The following DGKI variants were observed in gnomAD, a reference collection of about 807,000 sequenced individuals.
The protein encoded by DGKI is DAG kinase iota.
In DGKI, 55 loss-of-function variants were observed where a neutral mutation model predicts 147.5. The observed-to-expected ratio is 0.37, with a 90% confidence interval of 0.30 to 0.47. The LOEUF is 0.47. Among genes scored for constraint, DGKI ranks in the 20% least tolerant of loss-of-function variants. The pLI, the probability that DGKI is intolerant of heterozygous loss-of-function variation, is 1.00. For synonymous variants in DGKI, 469 were observed against 477.1 expected (o/e 0.98, Z 0.22); for missense variants, 1,007 against 1,323.8 (o/e 0.76, Z 3.71).
At chr7:137,739,091 G>T (rs1795103915) in intron 1 of DGKI, among the ~76,000 whole-genome samples, 1 of 152,082 alleles carries the variant, frequency 6.6e-6, no homozygotes, top group Non-Finnish European at 1.5e-5. Flanking sequence ...GCAGTTTGTG[G>T]ACTGAAAATA....
intron 23 of DGKI, among the ~76,000 whole-genome samples, chr7:137,477,501 T>C (rs1453518206): frequency 6.6e-6 from 1 of 152,220 alleles, no homozygotes; most frequent in African/African-American, 2.4e-5. Context: ...GCATTAAATA[T>C]ATACCATGGA....
At chr7:137,498,007 C>G (rs1370123003) in intron 21 of DGKI, among the ~76,000 whole-genome samples, 1 of 151,792 alleles carries the variant, frequency 6.6e-6, no homozygotes, top group African/African-American at 2.4e-5. Context: ...ACACTTTAAA[C>G]ATGATATCTT....
chr7:137,574,527 T>A (rs548046653), intron 17 of DGKI, among the ~76,000 whole-genome samples: 1 of 152,326 alleles, frequency 6.6e-6, no homozygotes, highest in South Asian at 2.1e-4. Flanking sequence ...AATTCATTTT[T>A]TAACTTTCTA....
At chr7:137,804,210 C>T (rs1448151988) in intron 1 of DGKI, among the ~76,000 whole-genome samples, 1 of 152,212 alleles carries the variant, frequency 6.6e-6, no homozygotes, top group Non-Finnish European at 1.5e-5. Flanking sequence ...CCATCTCTTC[C>T]CCCTCTCTAC....
intron 28 of DGKI, among the ~76,000 whole-genome samples, chr7:137,423,845 A>C (rs10954581): frequency 0.41 from 61,853 of 151,994 alleles, 13,132 homozygotes; most frequent in East Asian, 0.74. Flanking sequence ...ATTATTGTAA[A>C]TATAGATTAT....
At chr7:137,432,909 T>C (rs1209293663) in intron 28 of DGKI, among the ~76,000 whole-genome samples, 1 of 152,196 alleles carries the variant, frequency 6.6e-6, no homozygotes, top group Non-Finnish European at 1.5e-5. Context: ...AGGGAAGTTG[T>C]AGAAAATCAA....
chr7:137,836,381 T>C (rs761730348), intron 1 of DGKI, among the ~76,000 whole-genome samples: 7 of 152,242 alleles, frequency 4.6e-5, no homozygotes, highest in East Asian at 3.8e-4. Flanking sequence ...GATGTTGTTA[T>C]GGAAAAACTC....
At chr7:137,734,520 A>G (rs1348973084) in intron 1 of DGKI, among the ~76,000 whole-genome samples, 3 of 151,952 alleles carry the variant, frequency 2.0e-5, no homozygotes, top group Non-Finnish European at 4.4e-5. Context: ...ACTGGGGAGA[A>G]CCAGCTGCCT....
chr7:137,751,995 C>CAA (rs1795503508), intron 1 of DGKI, among the ~76,000 whole-genome samples: 1 of 152,174 alleles, frequency 6.6e-6, no homozygotes, highest in Non-Finnish European at 1.5e-5. Context: ...GTATTTAACG[C>CAA]AATGTACATA....
At chr7:137,567,263 T>C (rs1295246069) in intron 19 of DGKI, among the ~76,000 whole-genome samples, 1 of 106,506 alleles carries the variant, frequency 9.4e-6, no homozygotes, top group South Asian at 3.4e-4. Context: ...AAACTCCATC[T>C]CAAAAAAAAA....
At chr7:137,662,240 C>CTT (rs1170356266) in intron 3 of DGKI, among the ~76,000 whole-genome samples, 27 of 126,426 alleles carry the variant, frequency 2.1e-4, no homozygotes, top group African/African-American at 5.8e-4. Flanking sequence ...CAGCACACTC[C>CTT]TTTTTTTTTT....
At chr7:137,834,337 T>C (rs1798302418) in intron 1 of DGKI, among the ~76,000 whole-genome samples, 1 of 152,248 alleles carries the variant, frequency 6.6e-6, no homozygotes, top group African/African-American at 2.4e-5. Context: ...GTGCTTTTGC[T>C]AAAGCTGTTT....
chr7:137,438,807 T>G (rs1813381211), intron 28 of DGKI, among the ~76,000 whole-genome samples: 1 of 151,934 alleles, frequency 6.6e-6, no homozygotes, highest in Non-Finnish European at 1.5e-5. Context: ...ATCACAAAAA[T>G]TATTCTTTTG....
Position 137,603,308 on chromosome 7 carries a change from G to C in DGKI, c.1168-3403C>G, listed in dbSNP as rs187372864. 5.0e-3 allele frequency among the ~76,000 whole-genome samples: 758 copies of C among 152,286 alleles called. 4 individuals carry two copies. Among genetic ancestry groups the C allele is most frequent in the Middle Eastern group, 6.8e-3 (2 of 294 alleles). ...TCTTCATCAAAGCACCATAACTCTA[G>C]TGTAGGTTGAAACTCTGCTATGTTA... On this transcript the variant is annotated intron_variant, in intron 10 of 32. Transcript: ENST00000614521.
At position 137,590,958 on chromosome 7, in the gene DGKI, G is replaced by A. The variant is rs148741069; in HGVS notation, c.1312-3748C>T. 8.5e-5 allele frequency among the ~76,000 whole-genome samples: 13 copies of A among 152,306 alleles called. No homozygotes were observed. The East Asian group carries it at 2.5e-3, about 29-fold the overall frequency. On this transcript the variant is annotated intron_variant, in intron 12 of 32. Transcript: ENST00000614521. ...AAGTGATCCGCCCGCCAAAGTGCTG[G>A]GATTACAGGCATGAGCCACTGCATC...
chr7:137,405,104 A>G (rs1811892777), intron 30 of DGKI, among the ~76,000 whole-genome samples: 1 of 152,046 alleles, frequency 6.6e-6, no homozygotes, highest in Admixed American at 6.5e-5. Flanking sequence ...AGGACTCATC[A>G]TTCATGTCCC....
At chr7:137,517,279 AAAAGAAAGAAAGAAAGAAAG>A (rs3051933) in intron 21 of DGKI, among the ~76,000 whole-genome samples, 89 of 79,788 alleles carry the variant, frequency 1.1e-3, no homozygotes, top group African/African-American at 1.8e-3. Context: ...AAAGAAAAGA[AAAAGAAAGAAAGAAAGAAAG>A]AAAGAAAGAA....
At chr7:137,681,981 G>A (rs779861481) in intron 2 of DGKI, among the ~76,000 whole-genome samples, 8 of 152,252 alleles carry the variant, frequency 5.3e-5, no homozygotes, top group Non-Finnish European at 1.0e-4. Context: ...GAGCTTCCCT[G>A]CTTGGCTCTA....
chr7:137,416,013 AAC>A (rs1283525716), intron 28 of DGKI, among the ~76,000 whole-genome samples: 3 of 151,960 alleles, frequency 2.0e-5, no homozygotes, highest in Admixed American at 6.6e-5. Context: ...AAACAAAAAA[AAC>A]AACAACAAAA....
Sources: allele counts gnomAD v4.1 joint callset (sites outside exome capture counted in the v4.1 genomes callset), GRCh38; gene constraint gnomAD v4.1.1; transcripts MANE v1.5; gene names NCBI Gene and HGNC (gene_info 2026-07-23, HGNC 2026-07-21).